DST: variants seen among roughly 807,000 people sequenced by gnomAD.
DST encodes dystonin.
A neutral mutation model predicts 875.2 loss-of-function variants in DST; 253 were observed. The ratio of observed to expected loss-of-function variants is 0.29; its 90% CI spans 0.26 to 0.32. DST has a LOEUF of 0.32. Among genes scored for constraint, DST ranks in the 10% least tolerant of loss-of-function variants. The probability of loss-of-function intolerance (pLI) is 1.00; values close to 1 mark genes in which losing one functional copy is unlikely to be tolerated. For missense variants in DST, 8,287 were observed against 9,111.6 expected (o/e 0.91, Z 3.68); for synonymous variants, 3,124 against 3,197.1 (o/e 0.98, Z 0.77).
chr6:56,780,657 T>G (rs894995390), intron 4 of DST, among the ~76,000 whole-genome samples: 8 of 151,802 alleles, frequency 5.3e-5, no homozygotes, highest in Non-Finnish European at 1.2e-4. Flanking sequence ...TTGCAAAAAT[T>G]TTCTCCCATT....
chr6:56,529,339 C>T (rs1407860415), intron 66 of DST, 109 bp downstream of exon 66: 2 of 930,834 alleles, frequency 2.1e-6, no homozygotes, highest in Non-Finnish European at 3.0e-6. Context: ...TTTTTAAGTA[C>T]AGCAATTCAT....
intron 3 of DST, among the ~76,000 whole-genome samples, chr6:56,880,210 T>C (rs935580499): frequency 3.9e-5 from 6 of 152,222 alleles, no homozygotes; most frequent in African/African-American, 1.4e-4. Context: ...AAAAATAGTC[T>C]AGAGATTCAT....
In DST at chr6:56,552,234, G is replaced by A; in HGVS notation, c.16558C>T (p.Pro5520Ser). Reference sequence around the variant, plus strand: ...ATTGTCTCCGTTTCCATACCAACAGGACCTTGTGACTCTTCATGTTCTTCG... The same window carrying A: ...ATTGTCTCCGTTTCCATACCAACAGAACCTTGTGACTCTTCATGTTCTTCG... ...KAEEHEESQG[P>S]VGMETETINQ... is the part of the protein sequence containing the mutation. The change falls in exon 61 of 104, where the codon CCT (proline) becomes TCT (serine). Residue 5520 changes from proline to serine, a missense_variant. Pro to Ser is a moderately conservative substitution (Grantham distance 74). Around this residue, in one of 10 missense-constraint regions of DST, gnomAD observed 777 missense variants for 764.8 expected, o/e 1.02. Transcript: ENST00000680361. 1.9e-6 allele frequency: 3 copies of A among 1,613,854 alleles called. No homozygotes were observed. The highest frequency in any genetic ancestry group is 2.5e-6 in the Non-Finnish European group (3 of 1,179,856).
intron 2 of DST, among the ~76,000 whole-genome samples, chr6:56,933,254 C>T (rs1334283531): frequency 1.3e-5 from 2 of 152,184 alleles, no homozygotes; most frequent in Non-Finnish European, 2.9e-5. Context: ...CTATGACCTG[C>T]CCCCACTTCA....
intron 4 of DST, among the ~76,000 whole-genome samples, chr6:56,794,662 G>A (rs71564854): frequency 0.12 from 18,615 of 152,168 alleles, 1,582 homozygotes; most frequent in Non-Finnish European, 0.19. Flanking sequence ...CCTCTCCCTT[G>A]CCCAACCCCC....
At position 56,555,345 on chromosome 6, in the gene DST, C is replaced by A; in HGVS notation, c.15136G>T (p.Glu5046Ter). 1 of 1,566,674 alleles carries A rather than the reference C, an allele frequency of 6.4e-7. No homozygotes were observed. ...KSFKDVEQKA[E>*]NHVQHLQSAC... The stretch of plus-strand genomic sequence containing the variant: ...ATATATGTATTAAAAGTAGACAAAC[C>A]TGCTTTCTGTTCAACATCCTTAAAT... The change falls in exon 60 of 104, where the codon GAG becomes TAG. Residue 5046 changes from glutamate (E) to a stop codon, truncating the protein, a stop_gained and splice_region_variant. Coordinates refer to ENST00000680361, the MANE Select transcript of DST (RefSeq NM_001374736.1). LOFTEE classifies it high-confidence loss of function.
At chr6:56,676,609 G>T (rs771184190) in intron 9 of DST, among the ~76,000 whole-genome samples, 3 of 151,624 alleles carry the variant, frequency 2.0e-5, no homozygotes, top group Non-Finnish European at 4.4e-5. Flanking sequence ...AATGGCCAAG[G>T]TAAGGAATCA....
intron 2 of DST, among the ~76,000 whole-genome samples, chr6:56,950,967 T>C (rs889756210): frequency 6.6e-6 from 1 of 152,148 alleles, no homozygotes; most frequent in Non-Finnish European, 1.5e-5. Flanking sequence ...GAGGAGAAAA[T>C]AGCTGGAGCT....
chr6:56,851,440 G>A lies in DST; in HGVS notation c.582C>T (p.Gly194=), dbSNP rs760383542. The change falls in exon 4 of 104, where the codon GGC becomes GGT. Residue 194 remains glycine (G), a synonymous_variant. Coordinates refer to ENST00000680361, the MANE Select transcript of DST (RefSeq NM_001374736.1). ...CCCTCTCGGCAGGGTCCAGCACTGA[G>A]CCCCCTTGAATCTTTCTTTTCGATC... ...HERSKRKIQG[G]SVLDPAERAV... is the part of the protein sequence containing the mutation. 3 of 1,613,864 alleles carry A rather than the reference G, an allele frequency of 1.9e-6. No homozygotes were observed. In the South Asian group the frequency reaches 3.3e-5, roughly 18 times the overall value.
At chr6:56,640,093 T>G (rs761856271) in intron 18 of DST, 36 bp from the exon 19 acceptor site, 92 of 1,613,632 alleles carry the variant, frequency 5.7e-5, no homozygotes, top group Non-Finnish European at 7.7e-5. Flanking sequence ...AAAAAAGAAA[T>G]TGATAACAAT....
chr6:56,939,912 C>G (rs35818840), intron 2 of DST, among the ~76,000 whole-genome samples: 31,431 of 151,570 alleles, frequency 0.21, 3,608 homozygotes, highest in Middle Eastern at 0.26. Flanking sequence ...TGTAATCCCA[C>G]CTACTCAGGA....
chr6:56,813,644 G>A (rs17684784), intron 4 of DST, among the ~76,000 whole-genome samples: 25,305 of 152,002 alleles, frequency 0.17, 2,349 homozygotes, highest in Non-Finnish European at 0.19. Context: ...TTTGAGATAC[G>A]CTTTTCAGAA....
In DST at chr6:56,914,906, C is replaced by T. The variant is rs148710306; in HGVS notation, c.217-14285G>A. Among the ~76,000 whole-genome samples the T allele has an allele frequency of 5.3e-4, 80 of 152,332 alleles. No individual in the cohort carries two copies. The East Asian group carries it at 0.014, about 26-fold the overall frequency. ...GTTCTAGAGAGAAACAAGCTCCATT[C>T]AAAGCTAAGGAAGGCAAATGAGGAA... On this transcript the variant is annotated intron_variant, in intron 2 of 103. Coordinates refer to ENST00000680361, the MANE Select transcript of DST (RefSeq NM_001374736.1).
intron 71 of DST, 32 bp downstream of exon 71, chr6:56,517,166 G>C (rs375632448): frequency 5.3e-5 from 79 of 1,493,590 alleles, no homozygotes; most frequent in Non-Finnish European, 7.0e-5. Flanking sequence ...TTTTTCAAGA[G>C]TCCCACTACC....
chr6:56,928,348 C>G (rs559738361), intron 2 of DST, among the ~76,000 whole-genome samples: 45 of 152,180 alleles, frequency 3.0e-4, no homozygotes, highest in Non-Finnish European at 5.6e-4. Flanking sequence ...CCCCTATTGA[C>G]GCAGCCCACT....
At chr6:56,712,074 G>A (rs1271480845) in intron 5 of DST, among the ~76,000 whole-genome samples, 3 of 113,562 alleles carry the variant, frequency 2.6e-5, no homozygotes, top group African/African-American at 9.3e-5. Context: ...CTGGGCGACA[G>A]AGCGAGACTC....
chr6:56,540,710 T>C (rs1322428079), intron 61 of DST: 1 of 152,672 alleles, frequency 6.5e-6, no homozygotes, highest in Non-Finnish European at 1.5e-5. Context: ...CACAGGGCTC[T>C]CTTTCAAATT....
intron 4 of DST, among the ~76,000 whole-genome samples, chr6:56,809,165 T>A (rs998076687): frequency 6.6e-6 from 1 of 152,182 alleles, no homozygotes; most frequent in African/African-American, 2.4e-5. Context: ...GATCTGCTTC[T>A]TGGTGCTCTC....
intron 61 of DST, among the ~76,000 whole-genome samples, chr6:56,537,160 G>T (rs1263671564): frequency 1.3e-5 from 2 of 152,184 alleles, no homozygotes; most frequent in Non-Finnish European, 2.9e-5. Flanking sequence ...GAATACTAAA[G>T]AATGATATTC....
Sources: allele counts gnomAD v4.1 joint callset (sites outside exome capture counted in the v4.1 genomes callset), GRCh38; gene constraint gnomAD v4.1.1; regional missense constraint gnomAD v4.1.1; transcripts MANE v1.5; gene names NCBI Gene and HGNC (gene_info 2026-07-23, HGNC 2026-07-21).